Variants in ELF1 observed in about 807,000 individuals in gnomAD.
ELF1 encodes E74 like ETS transcription factor 1, also known as ETS-related transcription factor Elf-1.
ELF1 carries 24 observed loss-of-function variants against 59.9 expected under a neutral mutation model. The ratio of observed to expected loss-of-function variants is 0.40; its 90% CI spans 0.29 to 0.56. The LOEUF (loss-of-function observed/expected upper bound fraction) is 0.56. ELF1 is among the 20% of genes least tolerant of loss of function. The pLI is 0.44. For missense variants in ELF1, 627 were observed against 742.2 expected, an observed-to-expected ratio of 0.84 and a Z score of 1.80; for synonymous variants, 248 against 266.2, an observed-to-expected ratio of 0.93 and a Z score of 0.67.
In ELF1 at chr13:40,982,296, G is replaced by A. The variant is rs1218895406; in HGVS notation, c.-228-14C>T. The A allele has an allele frequency of 9.7e-6, 12 of 1,232,376 alleles. No homozygotes were observed. The highest frequency in any genetic ancestry group is 1.1e-5 in the Non-Finnish European group (11 of 984,930). The allele number at this position is 1,232,376 out of a possible 1,614,324, so 76.3% of individuals were successfully genotyped here. A position where few individuals can be genotyped will look rare whatever the true frequency, so the allele number is the denominator to read the frequency against. On this transcript the variant is annotated splice_polypyrimidine_tract_variant and intron_variant, in intron 1 of 8. Coordinates refer to ENST00000239882, the MANE Select transcript of ELF1 (RefSeq NM_172373.4). ...AAGCTTCTTGGCCTAAAAAACAAAA[G>A]CTCAGATTAGTTATGAAAAAGCAAT...
In ELF1 at chr13:40,990,580, G is replaced by A. The variant is rs564403168; in HGVS notation, c.-228-8298C>T. ...TTTAAAAATATATTACTTTGGCCAG[G>A]TGCAGTGGCTCACACCTGTAATCCC... is the stretch of plus-strand genomic sequence containing the variant. On this transcript the variant is annotated intron_variant, in intron 1 of 8. Transcript: ENST00000239882. Among the ~76,000 whole-genome samples the A allele has an allele frequency of 3.9e-5, 6 of 152,124 alleles. No homozygotes were observed. In the South Asian group the frequency reaches 6.2e-4, roughly 16 times the overall value.
intron 1 of ELF1, among the ~76,000 whole-genome samples, chr13:40,988,637 A>G (rs1294801344): frequency 3.3e-5 from 5 of 152,274 alleles, no homozygotes; most frequent in Non-Finnish European, 5.9e-5. Context: ...GAGTTTTACT[A>G]TTATTATCTC....
intron 1 of ELF1, among the ~76,000 whole-genome samples, chr13:41,041,579 A>C (rs1461387317): frequency 6.6e-6 from 1 of 152,146 alleles, no homozygotes; most frequent in African/African-American, 2.4e-5. Context: ...AGAGGTTAAG[A>C]AGAAAGGATC....
intron 2 of ELF1, among the ~76,000 whole-genome samples, chr13:40,967,510 T>C (rs1249044284): frequency 6.6e-6 from 1 of 152,234 alleles, no homozygotes; most frequent in Non-Finnish European, 1.5e-5. Context: ...GTTTTGATGA[T>C]TAAAGCCCTT....
At chr13:40,949,750 A>G (rs1220185635) in intron 5 of ELF1, 56 bp downstream of exon 5, 1 of 1,577,334 alleles carries the variant, frequency 6.3e-7, no homozygotes, top group Non-Finnish European at 8.6e-7. Flanking sequence ...TAAAAGTGAT[A>G]TCTAGATTTC....
chr13:41,009,937 C>T (rs1362784089), intron 1 of ELF1, among the ~76,000 whole-genome samples: 1 of 151,032 alleles, frequency 6.6e-6, no homozygotes, highest in Non-Finnish European at 1.5e-5. Context: ...TATTGAGGAC[C>T]ACAAAGAGCC....
intron 5 of ELF1, among the ~76,000 whole-genome samples, chr13:40,948,821 C>T (rs1020230028): frequency 2.6e-5 from 4 of 152,210 alleles, no homozygotes; most frequent in Non-Finnish European, 4.4e-5. Flanking sequence ...CTGGAATCAC[C>T]GGTACAGACT....
chr13:41,056,652 G>A (rs1877296871), intron 1 of ELF1, among the ~76,000 whole-genome samples: 1 of 152,130 alleles, frequency 6.6e-6, no homozygotes, highest in South Asian at 2.1e-4. Flanking sequence ...TACAGAACAA[G>A]AACGATCTCA....
chr13:40,976,656 C>T (rs1055223572), intron 2 of ELF1, among the ~76,000 whole-genome samples: 1 of 152,200 alleles, frequency 6.6e-6, no homozygotes, highest in South Asian at 2.1e-4. Context: ...ATTCTCTTGC[C>T]TCAGCCTCCT....
At chr13:41,059,607 C>CCTTCTTCGTTTGTTGCCT (rs1317021826) in intron 1 of ELF1, among the ~76,000 whole-genome samples, 32 of 152,242 alleles carry the variant, frequency 2.1e-4, no homozygotes, top group African/African-American at 7.0e-4. Flanking sequence ...GTCACTTTTT[C>CCTTCTTCGTTTGTTGCCT]CTTCTTCGTT....
chr13:41,052,489 C>A (rs558690233), intron 1 of ELF1, among the ~76,000 whole-genome samples: 39 of 152,122 alleles, frequency 2.6e-4, no homozygotes, highest in Non-Finnish European at 5.3e-4. Context: ...ACAAATATAT[C>A]TTTAAGTTTA....
intron 6 of ELF1, among the ~76,000 whole-genome samples, chr13:40,943,395 TG>T (rs1332609895): frequency 8.5e-5 from 13 of 152,196 alleles, no homozygotes; most frequent in Non-Finnish European, 1.6e-4. Flanking sequence ...AGATTTGTGA[TG>T]ATTTAGGAGA....
At chr13:40,942,928 A>C in intron 7 of ELF1, 24 bp downstream of exon 7, 2 of 1,509,750 alleles carry the variant, frequency 1.3e-6, no homozygotes, top group Non-Finnish European at 1.8e-6. Flanking sequence ...TCTTAACACA[A>C]TAAAATACCA....
rs756688094 is a variant in ELF1, at chr13:40,933,694, T to C, written c.1591A>G (p.Thr531Ala). Residue 531 changes from threonine to alanine, a missense_variant, in exon 9 of 9, where the codon ACT becomes GCT. Thr to Ala is a moderately conservative substitution (Grantham distance 58). Coordinates refer to ENST00000239882, the MANE Select transcript of ELF1 (RefSeq NM_172373.4). The part of the protein sequence containing the change: ...SVASSPSFSA[T>A]APVVTFSPRS... ...GGAGAAAAGGTCACCACAGGTGCAG[T>C]AGCACTGAAGGATGGAGAGGAAGCC... 5 of 1,614,260 alleles carry C rather than the reference T, an allele frequency of 3.1e-6. No individual in the cohort carries two copies. In the South Asian group the frequency reaches 3.3e-5, roughly 11 times the overall value.
chr13:40,942,957 T>C lies in ELF1; in HGVS notation c.801A>G (p.Ala267=), dbSNP rs1268781888. The C allele has an allele frequency of 1.9e-6, 3 of 1,583,160 alleles. No homozygotes were observed. The highest frequency in any genetic ancestry group is 2.6e-6 in the Non-Finnish European group (3 of 1,163,476). ...PDMNYETMGR[A]LRYYYQRGIL... ...AATACCAAAACTTCGCATACCTGAG[T>C]GCTCTTCCCATGGTCTCATAATTCA... The change falls in exon 7 of 9, where the codon GCA becomes GCG. Residue 267 remains alanine, a synonymous_variant. Coordinates refer to ENST00000239882, the MANE Select transcript of ELF1 (RefSeq NM_172373.4).
intron 1 of ELF1, among the ~76,000 whole-genome samples, chr13:41,050,447 A>G (rs1315025834): frequency 3.3e-5 from 5 of 152,206 alleles, no homozygotes; most frequent in Non-Finnish European, 2.9e-5. Flanking sequence ...CATAATAAAT[A>G]TTTATTATTG....
chr13:41,037,561 C>T (rs1042687215), intron 1 of ELF1, among the ~76,000 whole-genome samples: 3 of 152,044 alleles, frequency 2.0e-5, no homozygotes, highest in African/African-American at 7.2e-5. Flanking sequence ...CTTTGGGAGA[C>T]CGAGGCGGAT....
chr13:40,933,382 T>C lies in ELF1; in HGVS notation c.*43A>G, dbSNP rs1412777623. ...CAGTCAGTCTGCATATAATTGAAAA[T>C]GTTCAATTAACAAACAATTATTCAT... On this transcript the variant is annotated 3_prime_UTR_variant, in exon 9 of 9. Transcript: ENST00000239882. 3 of 1,567,102 alleles carry C rather than the reference T, an allele frequency of 1.9e-6. No homozygotes were observed. Among genetic ancestry groups the C allele is most frequent in the South Asian group, 2.4e-5 (2 of 82,860 alleles).
intron 1 of ELF1, among the ~76,000 whole-genome samples, chr13:41,007,107 G>A (rs571787333): frequency 6.6e-6 from 1 of 151,848 alleles, no homozygotes; most frequent in East Asian, 1.9e-4. Flanking sequence ...GAAATATCTC[G>A]GATGCACAAA....
Sources: allele counts gnomAD v4.1 joint callset (sites outside exome capture counted in the v4.1 genomes callset), GRCh38; gene constraint gnomAD v4.1.1; transcripts MANE v1.5; gene names NCBI Gene and HGNC (gene_info 2026-07-23, HGNC 2026-07-21).